GSTCD: variants seen among roughly 807,000 people sequenced by gnomAD.
The protein encoded by GSTCD is glutathione S-transferase C-terminal domain containing.
A neutral mutation model predicts 68.3 loss-of-function variants in GSTCD; 44 were observed. The observed-to-expected ratio is 0.64, with a 90% CI of 0.51 to 0.83. The LOEUF (loss-of-function observed/expected upper bound fraction) is 0.83. GSTCD is among the 40% of genes least tolerant of loss of function. The pLI is 0.00. For synonymous variants in GSTCD, 273 were observed against 255.2 expected, an observed-to-expected ratio of 1.07 and a Z score of -0.67; for missense variants, 739 against 735.9, an observed-to-expected ratio of 1.00 and a Z score of -0.05.
intron 5 of GSTCD, among the ~76,000 whole-genome samples, chr4:105,802,392 A>T (rs1174339442): frequency 1.3e-5 from 2 of 152,038 alleles, no homozygotes; most frequent in Non-Finnish European, 2.9e-5. Flanking sequence ...ATGCCTTAAT[A>T]CTTAAAGTGT....
At chr4:105,752,901 A>G (rs1407926277) in intron 5 of GSTCD, among the ~76,000 whole-genome samples, 2 of 152,074 alleles carry the variant, frequency 1.3e-5, no homozygotes, top group African/African-American at 4.8e-5. Context: ...CCAAGGGTTC[A>G]ATTCTCTCGT....
intron 5 of GSTCD, among the ~76,000 whole-genome samples, chr4:105,748,808 AAGTT>A (rs70941213): frequency 0.61 from 92,031 of 151,458 alleles, 33,594 homozygotes; most frequent in East Asian, 0.9. Flanking sequence ...TTCTGGGAGA[AAGTT>A]AGAGAAGTCA....
intron 2 of GSTCD, among the ~76,000 whole-genome samples, chr4:105,718,644 T>C (rs1732761124): frequency 6.6e-6 from 1 of 152,214 alleles, no homozygotes. Flanking sequence ...AAAATAAGAA[T>C]TTAAGTCTTA....
At chr4:105,813,991 T>C (rs531327281) in intron 5 of GSTCD, among the ~76,000 whole-genome samples, 2 of 152,130 alleles carry the variant, frequency 1.3e-5, no homozygotes, top group Admixed American at 6.5e-5. Context: ...ATATAATAAG[T>C]GCTTTAAAAA....
intron 8 of GSTCD, among the ~76,000 whole-genome samples, chr4:105,831,913 G>A (rs535864199): frequency 9.2e-5 from 14 of 152,132 alleles, no homozygotes; most frequent in Non-Finnish European, 1.8e-4. Flanking sequence ...TCCACCCTGG[G>A]TGACAAGAGC....
At chr4:105,722,358 A>G (rs1732884446) in intron 3 of GSTCD, among the ~76,000 whole-genome samples, 1 of 151,982 alleles carries the variant, frequency 6.6e-6, no homozygotes, top group Non-Finnish European at 1.5e-5. Context: ...GTAAATTTGT[A>G]TTTTCTGTGT....
chr4:105,795,823 C>T (rs1006246949), intron 5 of GSTCD, among the ~76,000 whole-genome samples: 1 of 152,072 alleles, frequency 6.6e-6, no homozygotes, highest in Non-Finnish European at 1.5e-5. Context: ...TGTATTTTAG[C>T]TTCCCTTGTC....
At chr4:105,826,395 A>G (rs771213728) in intron 8 of GSTCD, among the ~76,000 whole-genome samples, 64 of 151,990 alleles carry the variant, frequency 4.2e-4, no homozygotes, top group Admixed American at 2.4e-3. Flanking sequence ...GTAGACTTTG[A>G]GTTTTATGAA....
chr4:105,711,827 G>C, intron 1 of GSTCD, among the ~76,000 whole-genome samples: 1 of 152,164 alleles, frequency 6.6e-6, no homozygotes, highest in South Asian at 2.1e-4. Flanking sequence ...CTAGGCACAT[G>C]TATGGAATCT....
intron 5 of GSTCD, among the ~76,000 whole-genome samples, chr4:105,732,317 G>A (rs74317087): frequency 6.6e-6 from 1 of 152,062 alleles, no homozygotes; most frequent in African/African-American, 2.4e-5. Flanking sequence ...AATCCGTCTG[G>A]TCCTGGACTT....
At chr4:105,784,289 G>A (rs2149251260) in intron 5 of GSTCD, among the ~76,000 whole-genome samples, 1 of 152,288 alleles carries the variant, frequency 6.6e-6, no homozygotes, top group East Asian at 1.9e-4. Flanking sequence ...GAAGAGCATG[G>A]CACTAGCATC....
chr4:105,806,551 T>C (rs1338074118), intron 5 of GSTCD, among the ~76,000 whole-genome samples: 1 of 152,108 alleles, frequency 6.6e-6, no homozygotes, highest in Non-Finnish European at 1.5e-5. Context: ...TTTTTGCCTA[T>C]AAAATAACTG....
At chr4:105,715,778 G>T (rs1732663153) in intron 1 of GSTCD, among the ~76,000 whole-genome samples, 1 of 151,758 alleles carries the variant, frequency 6.6e-6, no homozygotes. Flanking sequence ...AAGACAAGAG[G>T]TGCATGTGTA....
chr4:105,736,432 T>C (rs998765849), intron 5 of GSTCD, among the ~76,000 whole-genome samples: 1 of 152,072 alleles, frequency 6.6e-6, no homozygotes, highest in African/African-American at 2.4e-5. Flanking sequence ...TTCAGATTTC[T>C]TTAAAAAATG....
intron 2 of GSTCD, 124 bp downstream of exon 2, chr4:105,718,163 C>G (rs1409673709): frequency 2.7e-6 from 2 of 740,748 alleles, no homozygotes; most frequent in Non-Finnish European, 4.2e-6. Flanking sequence ...ACCCCAGTAA[C>G]CAATGAAATA....
chr4:105,733,127 A>G (rs1490985349), intron 5 of GSTCD, among the ~76,000 whole-genome samples: 1 of 152,166 alleles, frequency 6.6e-6, no homozygotes, highest in African/African-American at 2.4e-5. Flanking sequence ...CAATTTTGGA[A>G]TAAGTGTGGT....
chr4:105,746,449 G>A (rs1410992369), intron 5 of GSTCD: 1 of 152,064 alleles, frequency 6.6e-6, no homozygotes, highest in African/African-American at 2.4e-5. Flanking sequence ...AAAATTTAAT[G>A]CAAGAGTTTT....
At chr4:105,723,170 T>C (rs950587466) in intron 3 of GSTCD, among the ~76,000 whole-genome samples, 2 of 151,992 alleles carry the variant, frequency 1.3e-5, no homozygotes, top group South Asian at 4.1e-4. Flanking sequence ...AAATTTCTTG[T>C]GTGATTATCA....
chr4:105,807,774 T>A (rs1418029206), intron 5 of GSTCD, among the ~76,000 whole-genome samples: 1 of 152,102 alleles, frequency 6.6e-6, no homozygotes, highest in Non-Finnish European at 1.5e-5. Flanking sequence ...TTGGTTGATA[T>A]GGTGTCTGTC....
Sources: allele counts gnomAD v4.1 joint callset (sites outside exome capture counted in the v4.1 genomes callset), GRCh38; gene constraint gnomAD v4.1.1; transcripts MANE v1.5; gene names NCBI Gene and HGNC (gene_info 2026-07-23, HGNC 2026-07-21).